CHGB: variants seen among roughly 807,000 people sequenced by gnomAD.
The protein encoded by CHGB is chromogranin B.
A neutral mutation model predicts 69.9 loss-of-function variants in CHGB; 46 were observed. That is an observed-to-expected ratio of 0.66 (90% CI 0.52 to 0.84). The LOEUF (loss-of-function observed/expected upper bound fraction) is 0.84. CHGB is among the 40% of genes least tolerant of loss of function. The pLI, the probability that CHGB is intolerant of heterozygous loss-of-function variation, is 0.00. For missense variants in CHGB, 796 were observed against 822.2 expected, an observed-to-expected ratio of 0.97 and a Z score of 0.39; for synonymous variants, 312 against 298.2, an observed-to-expected ratio of 1.05 and a Z score of -0.48.
intron 1 of CHGB, chr20:5,915,516 T>A (rs2088470262): frequency 6.6e-6 from 1 of 152,178 alleles, no homozygotes; most frequent in South Asian, 2.1e-4. Context: ...ATAAACGAGC[T>A]TGTTCAGGCA....
chr20:5,916,241 T>C lies in CHGB; in HGVS notation c.50-85T>C, dbSNP rs537965663. The C allele has an allele frequency of 1.2e-4, 117 of 981,680 alleles. No homozygotes were observed. The East Asian group carries it at 2.9e-3, about 24-fold the overall frequency. 60.8% of individuals were successfully genotyped at this position (981,680 alleles called of 1,614,324 possible). On this transcript the variant is annotated intron_variant, in intron 1 of 4. Transcript: ENST00000378961. The stretch of plus-strand genomic sequence containing the variant: ...ACATTGCCAGGGGAAAAACAACAAC[T>C]AATGTGGGGTGATTTTGTCAGTTGG...
At chr20:5,924,720 G>C (rs1172217914) in intron 4 of CHGB, among the ~76,000 whole-genome samples, 1 of 152,246 alleles carries the variant, frequency 6.6e-6, no homozygotes, top group East Asian at 1.9e-4. Context: ...TGTACATTAG[G>C]ATCATGAGGG....
At chr20:5,918,013 T>C (rs373668034) in intron 3 of CHGB, 4 of 148,918 alleles carry the variant, frequency 2.7e-5, no homozygotes, top group African/African-American at 9.9e-5. Context: ...CCAGGCATGG[T>C]GGCAGGCACC....
At chr20:5,919,106 T>C (rs2088498255) in intron 3 of CHGB, among the ~76,000 whole-genome samples, 1 of 152,152 alleles carries the variant, frequency 6.6e-6, no homozygotes, top group African/African-American at 2.4e-5. Flanking sequence ...TCCCTTTCTT[T>C]GTTTACTAGA....
chr20:5,922,943 G>C lies in CHGB; in HGVS notation c.799G>C (p.Glu267Gln), dbSNP rs1250192167. The C allele has an allele frequency of 6.2e-7, 1 of 1,611,662 alleles. No individual in the cohort carries two copies. Among genetic ancestry groups the C allele is most frequent in the Admixed American group, 1.7e-5 (1 of 59,562 alleles). The change falls in exon 4 of 5, where the codon GAG (glutamate) becomes CAG (glutamine). Residue 267 changes from glutamate to glutamine, a missense_variant. Coordinates refer to ENST00000378961, the MANE Select transcript of CHGB (RefSeq NM_001819.3). ...PRSQEESEEG[E>Q]EDATSEVDKR... is the part of the protein sequence containing the mutation. ...AAGCCAGGAAGAATCTGAGGAAGGTGAGGAAGATGCCACCTCTGAGGTGGA... is the reference window on the plus strand; with the variant it reads ...AAGCCAGGAAGAATCTGAGGAAGGTCAGGAAGATGCCACCTCTGAGGTGGA...
rs868841035 is a variant in CHGB at position 5,913,633 on chromosome 20, T to C, written c.49+1951T>C. ...TTTTTCTTTTCTTTTCTTTTCTTTT[T>C]TTTTTTTTTTTTTTGAGACAGAGTC... On this transcript the variant is annotated intron_variant, in intron 1 of 4. Transcript: ENST00000378961. Among the ~76,000 whole-genome samples, 43 of 131,386 alleles carry C rather than the reference T, an allele frequency of 3.3e-4. No homozygotes were observed. In the Middle Eastern group the frequency reaches 0.018, roughly 54 times the overall value. The allele number at this position is 131,386 out of a possible 152,430, so 86.2% of individuals were successfully genotyped here. A position where few individuals can be genotyped will look rare whatever the true frequency, so the allele number is the denominator to read the frequency against.
Position 5,916,454 on chromosome 20 carries a change from A to G in CHGB, c.96+82A>G, listed in dbSNP as rs964813028. 7 of 1,158,114 alleles carry G rather than the reference A, an allele frequency of 6.0e-6. No individual in the cohort carries two copies. In the African/African-American group the frequency reaches 1.1e-4, roughly 18 times the overall value. The allele number at this position is 1,158,114 out of a possible 1,614,324, so 71.7% of individuals were successfully genotyped here. On this transcript the variant is annotated intron_variant, in intron 2 of 4. Coordinates refer to ENST00000378961, the MANE Select transcript of CHGB (RefSeq NM_001819.3). ...CAGTCCCTATTATACCAAACCAAACACACGCATGACATAATCTTACAAAGC... is the reference window on the plus strand; with the variant it reads ...CAGTCCCTATTATACCAAACCAAACGCACGCATGACATAATCTTACAAAGC...
intron 1 of CHGB, among the ~76,000 whole-genome samples, chr20:5,913,630 T>TTTCTTTTC (rs200719539): frequency 3.2e-5 from 4 of 126,596 alleles, no homozygotes; most frequent in African/African-American, 1.4e-4. Context: ...TTTCTTTTCT[T>TTTCTTTTC]TTTTTTTTTT....
Position 5,922,830 on chromosome 20 carries a change from CACAT to C in CHGB, c.688_691del (p.His230AlafsTer91). ...GCTGCCGGGCATTCTCAGGAGAAGACACATAGCCGAGAGAAGAGTAGCCAGGAGA... is the reference window on the plus strand; with the variant it reads ...GCTGCCGGGCATTCTCAGGAGAAGACAGCCGAGAGAAGAGTAGCCAGGAGA... On this transcript the variant is annotated frameshift_variant, in exon 4 of 5. Transcript: ENST00000378961. LOFTEE classifies it high-confidence loss of function. 1 of 1,614,084 alleles carries C rather than the reference CACAT, an allele frequency of 6.2e-7. No individual in the cohort carries two copies.
At chr20:5,917,980 C>CA (rs34483659) in intron 3 of CHGB, 3,761 of 114,244 alleles carry the variant, frequency 0.033, 59 homozygotes, top group Non-Finnish European at 0.044. Context: ...ACTAAAAATA[C>CA]AAAAAAAAAA....
At position 5,922,550 on chromosome 20, in the gene CHGB, G is replaced by A. The variant is rs1390452643; in HGVS notation, c.406G>A (p.Glu136Lys). Residue 136 changes from glutamate to lysine, a missense_variant, in exon 4 of 5, where the codon GAG becomes AAG. By Grantham distance (56) the Glu-to-Lys change is moderately conservative (BLOSUM62 1). Coordinates refer to ENST00000378961, the MANE Select transcript of CHGB (RefSeq NM_001819.3). Reference protein sequence around the residue: ...GGGHSRERADEPQWSLYPSDS... With the variant: ...GGGHSRERADKPQWSLYPSDS... The stretch of plus-strand genomic sequence containing the variant: ...CGGGCACAGCCGAGAGCGAGCGGAT[G>A]AGCCCCAGTGGAGCCTCTATCCCTC... 3 of 1,613,438 alleles carry A rather than the reference G, an allele frequency of 1.9e-6. No individual in the cohort carries two copies. In the African/African-American group the frequency reaches 4.0e-5, roughly 22 times the overall value.
At position 5,911,541 on chromosome 20, in the gene CHGB, T is replaced by G; in HGVS notation, c.-93T>G. 7.3e-7 allele frequency: 1 copy of G among 1,373,648 alleles called. No homozygotes were observed. Among genetic ancestry groups the G allele is most frequent in the Non-Finnish European group, 9.9e-7 (1 of 1,014,518 alleles). The allele number at this position is 1,373,648 out of a possible 1,614,324, so 85.1% of individuals were successfully genotyped here. The stretch of plus-strand genomic sequence containing the variant: ...CGGGGACCAGGAGGCACGCTGGTTT[T>G]CCGGGGCCGCTCCATCGCGCCTTCC... On this transcript the variant is annotated 5_prime_UTR_variant, in exon 1 of 5. Coordinates refer to ENST00000378961, the MANE Select transcript of CHGB (RefSeq NM_001819.3).
intron 1 of CHGB, among the ~76,000 whole-genome samples, chr20:5,911,986 T>C (rs575014261): frequency 6.6e-6 from 1 of 152,336 alleles, no homozygotes; most frequent in East Asian, 1.9e-4. Context: ...TCACATTTTG[T>C]ATTCGCTTCT....
rs1600215340 is a variant in CHGB at position 5,923,932 on chromosome 20, C to T, written c.1788C>T (p.Asp596=). The T allele has an allele frequency of 2.5e-6, 4 of 1,614,102 alleles. No homozygotes were observed. Among genetic ancestry groups the T allele is most frequent in the African/African-American group, 1.3e-5 (1 of 74,994 alleles). ...ACCTCGCCAGGGTCCCCAAGCTGGA[C>T]CTGAAAAGGCAATATGACAGGGTGG... ...KRNLARVPKL[D]LKRQYDRVAQ... Residue 596 remains aspartate, a synonymous_variant, in exon 4 of 5, where the codon GAC becomes GAT. Transcript: ENST00000378961.
chr20:5,913,169 G>A (rs2088455852), intron 1 of CHGB, among the ~76,000 whole-genome samples: 1 of 152,104 alleles, frequency 6.6e-6, no homozygotes, highest in Non-Finnish European at 1.5e-5. Flanking sequence ...TATTTTAATA[G>A]CAGCTAAAAT....
rs2088491130 is a variant in CHGB at position 5,918,337 on chromosome 20, G to GT, written c.190+1419dup. ...GCAGAGGTTGCAGTGAACTGAGATCGTGGCATTCCACTCCAGCCTGGATAC... is the reference window on the plus strand; with the variant it reads ...GCAGAGGTTGCAGTGAACTGAGATCGTTGGCATTCCACTCCAGCCTGGATAC... On this transcript the variant is annotated intron_variant, in intron 3 of 4. Coordinates refer to ENST00000378961, the MANE Select transcript of CHGB (RefSeq NM_001819.3). 4.6e-5 allele frequency among the ~76,000 whole-genome samples: 7 copies of GT among 151,756 alleles called. No individual in the cohort carries two copies. The South Asian group carries it at 1.5e-3, about 32-fold the overall frequency.
At chr20:5,915,157 GGGCTGTTCTAATAGAAAGGGCTTA>G (rs2088468167) in intron 1 of CHGB, among the ~76,000 whole-genome samples, 1 of 152,048 alleles carries the variant, frequency 6.6e-6, no homozygotes, top group African/African-American at 2.4e-5. Context: ...TAAATGCTTT[GGGCTGTTCTAATAGAAAGGGCTTA>G]GAACAAAGTC....
At position 5,923,845 on chromosome 20, in the gene CHGB, C is replaced by G. The variant is rs2088533286; in HGVS notation, c.1701C>G (p.Asn567Lys). 6.2e-7 allele frequency: 1 copy of G among 1,614,192 alleles called. No individual in the cohort carries two copies. The highest frequency in any genetic ancestry group is 1.6e-4 in the Middle Eastern group (1 of 6,062). Reference protein sequence around the residue: ...LNEKNFFPEYNYDWWEKKPFS... With the variant: ...LNEKNFFPEYKYDWWEKKPFS... ...AGAAGAATTTCTTCCCAGAATACAA[C>G]TATGACTGGTGGGAGAAAAAGCCCT... Residue 567 changes from asparagine (N) to lysine (K), a missense_variant, in exon 4 of 5, where the codon AAC becomes AAG. This residue lies in a region of CHGB where 274 missense variants were observed against 298.9 expected (regional missense o/e 0.92). Transcript: ENST00000378961.
chr20:5,923,235 G>T lies in CHGB; in HGVS notation c.1091G>T (p.Gly364Val), dbSNP rs1342437688. 6.2e-7 allele frequency: 1 copy of T among 1,613,810 alleles called. No homozygotes were observed. Among genetic ancestry groups the T allele is most frequent in the Non-Finnish European group, 8.5e-7 (1 of 1,179,860 alleles). ...GACCTGGAGTGGGAGCGCTATAGGGGCAGAGGAAGTGAAGAATACAGGGCT... is the reference window on the plus strand; with the variant it reads ...GACCTGGAGTGGGAGCGCTATAGGGTCAGAGGAAGTGAAGAATACAGGGCT... Reference protein sequence around the residue: ...PEDLEWERYRGRGSEEYRAPR... With the variant: ...PEDLEWERYRVRGSEEYRAPR... Residue 364 changes from glycine to valine, a missense_variant, in exon 4 of 5, where the codon GGC becomes GTC. Gly to Val is a moderately radical substitution (Grantham distance 109). Transcript: ENST00000378961.
Sources: gnomAD v4.1 joint callset for allele counts (sites outside exome capture counted in the v4.1 genomes callset) on GRCh38, gnomAD v4.1.1 for gene constraint, gnomAD v4.1.1 regional missense constraint, MANE v1.5 for transcripts, NCBI Gene and HGNC (gene_info 2026-07-23, HGNC 2026-07-21) for gene names.